The following CFDP1 variants were observed in gnomAD, a reference collection of about 807,000 sequenced individuals.
The protein encoded by CFDP1 is chromatin remodeling protein CFDP1.
CFDP1 carries 31 observed loss-of-function variants against 40.1 expected under a neutral mutation model. The observed-to-expected ratio is 0.77, with a 90% CI of 0.58 to 1.04. CFDP1 has a LOEUF of 1.04. Among genes scored for constraint, CFDP1 ranks in the 50% least tolerant of loss-of-function variants. The pLI is 0.00. For missense variants in CFDP1, 423 were observed against 343.4 expected (o/e 1.23, Z -1.83); for synonymous variants, 167 against 120.0 (o/e 1.39, Z -2.56).
chr16:75,375,790 C>CAAA (rs564473644), intron 5 of CFDP1, among the ~76,000 whole-genome samples: 4 of 125,682 alleles, frequency 3.2e-5, no homozygotes, highest in African/African-American at 9.6e-5. Context: ...GACTCCATCT[C>CAAA]AAAAAAAAAA....
intron 2 of CFDP1, 106 bp downstream of exon 2, chr16:75,414,472 G>A: frequency 2.9e-6 from 2 of 693,978 alleles, no homozygotes; most frequent in South Asian, 1.9e-5. Flanking sequence ...AAGAGAAAAG[G>A]GTTAGAAACT....
At chr16:75,301,143 A>G (rs1316045959) in intron 6 of CFDP1, among the ~76,000 whole-genome samples, 1 of 152,198 alleles carries the variant, frequency 6.6e-6, no homozygotes, top group African/African-American at 2.4e-5. Context: ...GAAGACTGCT[A>G]TTGATAAACA....
At chr16:75,384,704 C>A (rs1555561702) in intron 5 of CFDP1, among the ~76,000 whole-genome samples, 1 of 151,498 alleles carries the variant, frequency 6.6e-6, no homozygotes, top group Non-Finnish European at 1.5e-5. Flanking sequence ...AAATGTTCAT[C>A]AATAAGAGAA....
chr16:75,397,109 T>C (rs1416271624), intron 4 of CFDP1, among the ~76,000 whole-genome samples: 2 of 151,084 alleles, frequency 1.3e-5, no homozygotes, highest in Non-Finnish European at 3.0e-5. Context: ...AGAGATGGGG[T>C]TTCACCGTGT....
intron 5 of CFDP1, among the ~76,000 whole-genome samples, chr16:75,389,436 A>C (rs2078929578): frequency 6.6e-6 from 1 of 152,214 alleles, no homozygotes; most frequent in African/African-American, 2.4e-5. Context: ...TAGCCTAAGC[A>C]GTGTGCTATT....
intron 5 of CFDP1, among the ~76,000 whole-genome samples, chr16:75,378,189 C>T (rs369691583): frequency 1.3e-5 from 2 of 152,044 alleles, no homozygotes; most frequent in Non-Finnish European, 1.5e-5. Context: ...GCTATGGAAA[C>T]AACACTTCTA....
chr16:75,364,063 G>A (rs1383259397), intron 5 of CFDP1, among the ~76,000 whole-genome samples: 1 of 151,808 alleles, frequency 6.6e-6, no homozygotes, highest in African/African-American at 2.4e-5. Flanking sequence ...TTAGATTGGA[G>A]ATGTGTCCTC....
At chr16:75,313,700 G>GA (rs2078308493) in intron 5 of CFDP1, among the ~76,000 whole-genome samples, 1 of 152,080 alleles carries the variant, frequency 6.6e-6, no homozygotes, top group African/African-American at 2.4e-5. Flanking sequence ...GTTATATGGT[G>GA]AAACATGCCT....
At chr16:75,383,060 G>C (rs1190499938) in intron 5 of CFDP1, among the ~76,000 whole-genome samples, 1 of 152,234 alleles carries the variant, frequency 6.6e-6, no homozygotes, top group Non-Finnish European at 1.5e-5. Context: ...GTCTAAAGAT[G>C]AATGTTTGAT....
chr16:75,418,599 G>A (rs937527070), intron 1 of CFDP1, among the ~76,000 whole-genome samples: 2 of 151,976 alleles, frequency 1.3e-5, no homozygotes, highest in African/African-American at 2.4e-5. Context: ...GTGAGCCAAC[G>A]CGCCCGGCTA....
At position 75,404,877 on chromosome 16, in the gene CFDP1, A is replaced by AGT. The variant is rs1360125492; in HGVS notation, c.530+6947_530+6948insAC. Among the ~76,000 whole-genome samples the AGT allele has an allele frequency of 4.6e-5, 7 of 152,288 alleles. No individual in the cohort carries two copies. The East Asian group carries it at 1.3e-3, about 29-fold the overall frequency. On this transcript the variant is annotated intron_variant, in intron 4 of 6. Coordinates refer to ENST00000283882, the MANE Select transcript of CFDP1 (RefSeq NM_006324.3). ...GAGGTGGCTCCATAGCACAACGGAT[A>AGT]GCGCGCTGGACTTCTAGACTGGATT...
At chr16:75,425,013 T>C (rs1489374876) in intron 1 of CFDP1, among the ~76,000 whole-genome samples, 1 of 152,070 alleles carries the variant, frequency 6.6e-6, no homozygotes, top group African/African-American at 2.4e-5. Context: ...AAGGTTAGTA[T>C]GCAGAACCTG....
chr16:75,362,852 G>A (rs1364423784), intron 5 of CFDP1: 1 of 152,158 alleles, frequency 6.6e-6, no homozygotes, highest in Non-Finnish European at 1.5e-5. Flanking sequence ...CCAGAAGCGA[G>A]AGCAGGAGGC....
chr16:75,380,914 T>G (rs1005043962), intron 5 of CFDP1, among the ~76,000 whole-genome samples: 39 of 152,288 alleles, frequency 2.6e-4, no homozygotes, highest in African/African-American at 9.1e-4. Flanking sequence ...ACTGAAGGAT[T>G]TTTTTGAGAG....
At chr16:75,425,481 T>C (rs538530296) in intron 1 of CFDP1, among the ~76,000 whole-genome samples, 2 of 151,062 alleles carry the variant, frequency 1.3e-5, no homozygotes, top group Admixed American at 1.3e-4. Context: ...TGGAGTACTC[T>C]CTCTACCTGA....
chr16:75,401,291 G>A (rs1244865604), intron 4 of CFDP1, among the ~76,000 whole-genome samples: 2 of 152,032 alleles, frequency 1.3e-5, no homozygotes, highest in African/African-American at 4.8e-5. Context: ...AGCCAGGCTT[G>A]GTGGCGAGCG....
chr16:75,355,164 GGAA>G (rs2078637810), intron 5 of CFDP1, among the ~76,000 whole-genome samples: 1 of 152,168 alleles, frequency 6.6e-6, no homozygotes, highest in East Asian at 1.9e-4. Context: ...TCATTTTGTT[GGAA>G]GAAGGTCTAG....
At chr16:75,360,171 G>A (rs2078672188) in intron 5 of CFDP1, among the ~76,000 whole-genome samples, 1 of 152,138 alleles carries the variant, frequency 6.6e-6, no homozygotes, top group African/African-American at 2.4e-5. Flanking sequence ...TGGGATTACA[G>A]GCATGAGCCA....
intron 5 of CFDP1, among the ~76,000 whole-genome samples, chr16:75,353,238 A>G (rs910505348): frequency 2.0e-5 from 3 of 152,224 alleles, no homozygotes; most frequent in African/African-American, 7.2e-5. Flanking sequence ...GACCAATTAG[A>G]TATTTAAACA....
Sources: allele counts gnomAD v4.1 joint callset (sites outside exome capture counted in the v4.1 genomes callset), GRCh38; gene constraint gnomAD v4.1.1; transcripts MANE v1.5; gene names NCBI Gene and HGNC (gene_info 2026-07-23, HGNC 2026-07-21).